The following ZNF385D variants were observed in gnomAD, a reference collection of about 807,000 sequenced individuals.
The protein encoded by ZNF385D is zinc finger protein 659.
In ZNF385D, 15 loss-of-function variants were observed where a neutral mutation model predicts 35.8. That is an observed-to-expected ratio of 0.42 (90% confidence interval 0.28 to 0.64). The LOEUF (loss-of-function observed/expected upper bound fraction) is 0.64, where lower values mean the gene tolerates loss of function less well. Ranked by LOEUF, ZNF385D falls within the 30% of genes least tolerant of loss-of-function variation. The probability of loss-of-function intolerance (pLI) is 0.23; values close to 1 mark genes in which losing one functional copy is unlikely to be tolerated. For missense variants in ZNF385D, 474 were observed against 494.6 expected, an observed-to-expected ratio of 0.96 and a Z score of 0.39; for synonymous variants, 212 against 186.8, an observed-to-expected ratio of 1.13 and a Z score of -1.10.
At chr3:22,020,446 C>G (rs1697155240) in intron 3 of ZNF385D, among the ~76,000 whole-genome samples, 1 of 151,630 alleles carries the variant, frequency 6.6e-6, no homozygotes, top group Non-Finnish European at 1.5e-5. Context: ...GAGCTGGGAC[C>G]TAAACATAGA....
chr3:22,249,412 T>C (rs1699955742), intron 2 of ZNF385D, among the ~76,000 whole-genome samples: 3 of 152,146 alleles, frequency 2.0e-5, no homozygotes, highest in Admixed American at 1.3e-4. Flanking sequence ...TAATACTCAA[T>C]AGCACGAGGG....
chr3:22,311,822 A>G (rs193276133), intron 2 of ZNF385D, among the ~76,000 whole-genome samples: 20 of 152,212 alleles, frequency 1.3e-4, no homozygotes, highest in African/African-American at 4.1e-4. Flanking sequence ...TTTTACTATT[A>G]TGAACTCTGT....
At chr3:21,518,433 C>T (rs1024383785) in intron 3 of ZNF385D, among the ~76,000 whole-genome samples, 5 of 152,092 alleles carry the variant, frequency 3.3e-5, no homozygotes, top group African/African-American at 1.2e-4. Flanking sequence ...CAGGACAATT[C>T]CTGATCTCAT....
chr3:21,818,856 G>T, intron 3 of ZNF385D, among the ~76,000 whole-genome samples: 1 of 151,884 alleles, frequency 6.6e-6, no homozygotes, highest in Admixed American at 6.6e-5. Context: ...TCAAAAGGAG[G>T]ATGAGAGATT....
chr3:21,915,779 C>A (rs1700166272), intron 3 of ZNF385D, among the ~76,000 whole-genome samples: 1 of 152,118 alleles, frequency 6.6e-6, no homozygotes, highest in African/African-American at 2.4e-5. Flanking sequence ...AGTCAAAAAG[C>A]AAAGACACCT....
In ZNF385D at chr3:22,119,503, C is replaced by T. The variant is rs184603371; in HGVS notation, c.325+49314G>A. 9.2e-5 allele frequency among the ~76,000 whole-genome samples: 14 copies of T among 152,190 alleles called. No homozygotes were observed. The East Asian group carries it at 2.5e-3, about 27-fold the overall frequency. On this transcript the variant is annotated intron_variant, in intron 3 of 5. Transcript: ENST00000494108. ...ATAATTCTTATCACCTTTTATTGCT[C>T]TATCCTCTACTTTTTCAACTGGTTT... is the stretch of plus-strand genomic sequence containing the variant.
chr3:22,171,801 C>T (rs146275543), intron 2 of ZNF385D, among the ~76,000 whole-genome samples: 8 of 145,766 alleles, frequency 5.5e-5, no homozygotes, highest in Non-Finnish European at 7.4e-5. Context: ...GGAGTGAACC[C>T]GGGAGGTAGA....
At chr3:21,677,359 A>G (rs1021031779) in intron 1 of ZNF385D, among the ~76,000 whole-genome samples, 1 of 152,020 alleles carries the variant, frequency 6.6e-6, no homozygotes. Context: ...TTGCAGCCTA[A>G]ATATACAAAT....
chr3:21,464,829 T>C lies in ZNF385D; in HGVS notation c.440-27626A>G, dbSNP rs185188691. Reference sequence around the variant, plus strand: ...GAGAAAAACAATCCCAGAAGATGCGTAGCCTATTAAATATTTGTAGAAATA... The same window carrying C: ...GAGAAAAACAATCCCAGAAGATGCGCAGCCTATTAAATATTTGTAGAAATA... On this transcript the variant is annotated intron_variant, in intron 4 of 7. Coordinates refer to ENST00000281523, the MANE Select transcript of ZNF385D (RefSeq NM_024697.3). Among the ~76,000 whole-genome samples the C allele has an allele frequency of 3.2e-3, 486 of 151,470 alleles. 1 individual carries two copies. Among genetic ancestry groups the C allele is most frequent in the Non-Finnish European group, 5.4e-3 (364 of 67,936 alleles).
intron 4 of ZNF385D, among the ~76,000 whole-genome samples, chr3:21,485,916 C>T (rs1325503065): frequency 1.3e-5 from 2 of 151,568 alleles, no homozygotes; most frequent in Non-Finnish European, 2.9e-5. Context: ...CCACCATCAC[C>T]ACATCTGTAC....
chr3:22,223,291 A>G (rs530949646), intron 2 of ZNF385D, among the ~76,000 whole-genome samples: 3 of 151,844 alleles, frequency 2.0e-5, no homozygotes, highest in Non-Finnish European at 4.4e-5. Flanking sequence ...TGTTTTCTCT[A>G]TCTCGGTTGT....
intron 3 of ZNF385D, among the ~76,000 whole-genome samples, chr3:21,935,756 C>A (rs1259911599): frequency 7.5e-6 from 1 of 133,142 alleles, no homozygotes; most frequent in African/African-American, 2.8e-5. Context: ...CAACACTGGA[C>A]TTGAAACTAA....
At chr3:21,484,428 G>C (rs917598230) in intron 4 of ZNF385D, among the ~76,000 whole-genome samples, 1 of 152,166 alleles carries the variant, frequency 6.6e-6, no homozygotes, top group Non-Finnish European at 1.5e-5. Flanking sequence ...GAAGCTATCT[G>C]CACCGCAGGA....
chr3:22,099,793 G>T (rs1221475997), intron 3 of ZNF385D, among the ~76,000 whole-genome samples: 1 of 151,970 alleles, frequency 6.6e-6, no homozygotes, highest in Non-Finnish European at 1.5e-5. Context: ...AAGGTCAGAA[G>T]CCAAGCATTC....
At chr3:22,203,250 G>C (rs961634045) in intron 2 of ZNF385D, among the ~76,000 whole-genome samples, 4 of 152,042 alleles carry the variant, frequency 2.6e-5, no homozygotes, top group African/African-American at 9.7e-5. Flanking sequence ...CTCATTCTAG[G>C]GCCTACCTCC....
At chr3:21,552,352 A>G (rs1457401765) in intron 3 of ZNF385D, among the ~76,000 whole-genome samples, 1 of 152,194 alleles carries the variant, frequency 6.6e-6, no homozygotes, top group East Asian at 1.9e-4. Context: ...GTACTTATGG[A>G]CATGGCTGGT....
chr3:21,567,833 T>C (rs1214105050), intron 2 of ZNF385D, among the ~76,000 whole-genome samples: 2 of 152,180 alleles, frequency 1.3e-5, no homozygotes, highest in Non-Finnish European at 2.9e-5. Context: ...AGGGTATTAT[T>C]TTGGGTTTTT....
At chr3:22,184,579 A>T (rs754344529) in intron 2 of ZNF385D, among the ~76,000 whole-genome samples, 2 of 152,222 alleles carry the variant, frequency 1.3e-5, no homozygotes, top group Non-Finnish European at 1.5e-5. Flanking sequence ...TAATCCCAGC[A>T]CTTTGGGAGG....
intron 3 of ZNF385D, among the ~76,000 whole-genome samples, chr3:22,079,627 A>C (rs1360352476): frequency 6.6e-6 from 1 of 152,028 alleles, no homozygotes; most frequent in Admixed American, 6.6e-5. Context: ...TCTATATAAC[A>C]GGGAGATACT....
Sources: allele counts gnomAD v4.1 joint callset (sites outside exome capture counted in the v4.1 genomes callset), GRCh38; gene constraint gnomAD v4.1.1; transcripts MANE v1.5; gene names NCBI Gene and HGNC (gene_info 2026-07-23, HGNC 2026-07-21).